Variants in SPDYE1 observed in about 807,000 individuals in gnomAD.
The protein encoded by SPDYE1 is speedy/RINGO cell cycle regulator family member E1.
Under a neutral mutation model 45.9 loss-of-function variants are expected in SPDYE1, and 29 were observed. That is an observed-to-expected ratio of 0.63 (90% CI 0.47 to 0.86). The LOEUF (loss-of-function observed/expected upper bound fraction) is 0.86. Ranked by LOEUF, SPDYE1 falls within the 40% of genes least tolerant of loss-of-function variation. The pLI is 0.00. For missense variants in SPDYE1, 346 were observed against 481.4 expected, an observed-to-expected ratio of 0.72 and a Z score of 2.63; for synonymous variants, 134 against 176.8, an observed-to-expected ratio of 0.76 and a Z score of 1.92.
intron 6 of SPDYE1, among the ~76,000 whole-genome samples, chr7:44,006,150 T>C (rs1034486965): frequency 2.0e-5 from 3 of 152,206 alleles, no homozygotes; most frequent in Non-Finnish European, 2.9e-5. Context: ...GCCATCTTGG[T>C]ATTTCCTGGC....
At chr7:44,005,529 T>C (rs1272707838) in intron 6 of SPDYE1, among the ~76,000 whole-genome samples, 2 of 151,630 alleles carry the variant, frequency 1.3e-5, no homozygotes, top group African/African-American at 2.4e-5. Flanking sequence ...AATAGAAAAA[T>C]TAGCTGGGCG....
chr7:44,008,189 A>T (rs2096074421), intron 8 of SPDYE1, among the ~76,000 whole-genome samples: 1 of 152,240 alleles, frequency 6.6e-6, no homozygotes, highest in South Asian at 2.1e-4. Flanking sequence ...GCTTTGGTTT[A>T]CATCTTGTGC....
chr7:44,002,841 C>G, intron 4 of SPDYE1, 24 bp downstream of exon 4: 36 of 1,331,534 alleles, frequency 2.7e-5, no homozygotes, highest in Non-Finnish European at 3.3e-5. Context: ...CCAGAGAGCA[C>G]CTCCAATCCT....
At chr7:44,005,797 C>T (rs1249953962) in intron 6 of SPDYE1, among the ~76,000 whole-genome samples, 1 of 151,930 alleles carries the variant, frequency 6.6e-6, no homozygotes, top group Non-Finnish European at 1.5e-5. Flanking sequence ...GAGGAGCGGA[C>T]ATGCCACTTC....
chr7:44,006,331 AG>A (rs1201980889), intron 6 of SPDYE1, among the ~76,000 whole-genome samples: 2 of 151,580 alleles, frequency 1.3e-5, no homozygotes, highest in African/African-American at 4.8e-5. Context: ...GCATGCCCGT[AG>A]CTCTCTAGTT....
chr7:44,002,558 G>T (rs1292474446), intron 3 of SPDYE1, 32 bp from the exon 4 acceptor site: 11 of 1,559,898 alleles, frequency 7.1e-6, no homozygotes, highest in Non-Finnish European at 9.5e-6. Context: ...AACTGCAGAA[G>T]CATTACACCG....
chr7:44,007,853 G>C, intron 8 of SPDYE1, 40 bp downstream of exon 8: 3 of 1,590,678 alleles, frequency 1.9e-6, no homozygotes, highest in East Asian at 4.5e-5. Context: ...GAATATTGGG[G>C]TCTATTTCGG....
At chr7:44,005,046 T>C in intron 5 of SPDYE1, 96 bp from the exon 6 acceptor site, 8 of 1,410,642 alleles carry the variant, frequency 5.7e-6, no homozygotes, top group Non-Finnish European at 7.0e-6. Context: ...CCTTCTCTGA[T>C]GGGCAGCCCC....
chr7:44,008,255 G>A (rs562731130), intron 8 of SPDYE1, among the ~76,000 whole-genome samples: 1 of 152,356 alleles, frequency 6.6e-6, no homozygotes, highest in South Asian at 2.1e-4. Context: ...GTAGGATTAA[G>A]GATTAGGCTT....
At position 44,007,720 on chromosome 7, in the gene SPDYE1, T is replaced by C. The variant is rs1413447286; in HGVS notation, c.1083T>C (p.Tyr361=). ...GTTTGTTTTTCCAGATCCAGGCTTA[T>C]GACCCAGAGCACTGGGTGTGGGCGC... The part of the protein sequence containing the change: ...SPEELEEIQA[Y]DPEHWVWARD... The change falls in exon 8 of 9, where the codon TAT becomes TAC. Residue 361 remains tyrosine, a synonymous_variant. Transcript: ENST00000693451. 7.4e-6 allele frequency: 12 copies of C among 1,611,350 alleles called. No homozygotes were observed. Among genetic ancestry groups the C allele is most frequent in the Non-Finnish European group, 9.3e-6 (11 of 1,179,464 alleles).
chr7:44,006,602 C>A (rs1174943360), intron 6 of SPDYE1, among the ~76,000 whole-genome samples: 2 of 151,774 alleles, frequency 1.3e-5, no homozygotes, highest in Non-Finnish European at 2.9e-5. Flanking sequence ...TGCCACCACA[C>A]CTGGACAGTT....
chr7:44,000,735 T>C (rs1178368677), intron 2 of SPDYE1, among the ~76,000 whole-genome samples: 12 of 149,622 alleles, frequency 8.0e-5, no homozygotes, highest in African/African-American at 3.0e-4. Flanking sequence ...GATGTTGCAG[T>C]GAGCTGAGAT....
intron 2 of SPDYE1, among the ~76,000 whole-genome samples, chr7:44,000,377 A>G (rs1329440417): frequency 3.3e-5 from 5 of 150,096 alleles, no homozygotes; most frequent in African/African-American, 4.9e-5. Context: ...TGAGACTGGG[A>G]GGAAGAGGTT....
intron 6 of SPDYE1, 87 bp from the exon 7 acceptor site, chr7:44,007,181 C>T: frequency 5.6e-6 from 9 of 1,610,728 alleles, no homozygotes; most frequent in African/African-American, 1.3e-5. Flanking sequence ...TAGGAACGGT[C>T]CCTTACCTTC....
chr7:44,009,026 G>A lies in SPDYE1; in HGVS notation c.*405G>A. 2 of 357,288 alleles carry A rather than the reference G, an allele frequency of 5.6e-6. No individual in the cohort carries two copies. Among genetic ancestry groups the A allele is most frequent in the South Asian group, 4.3e-5 (2 of 46,732 alleles). The allele number at this position is 357,288 out of a possible 1,614,324, so 22.1% of individuals were successfully genotyped here. On this transcript the variant is annotated 3_prime_UTR_variant, in exon 9 of 9. Coordinates refer to ENST00000693451, the MANE Select transcript of SPDYE1 (RefSeq NM_001378423.2). ...TTGCCACAGTCCAGGAGCATTTGAA[G>A]GCACAATGCAGGGGCTCAGATTGGC...
chr7:44,000,745 T>C (rs1424975199), intron 2 of SPDYE1: 42 of 1,214,748 alleles, frequency 3.5e-5, no homozygotes, highest in African/African-American at 4.8e-5. Context: ...TGAGCTGAGA[T>C]TGCACCACTA....
At chr7:44,005,954 G>A (rs189539488) in intron 6 of SPDYE1, among the ~76,000 whole-genome samples, 9 of 152,104 alleles carry the variant, frequency 5.9e-5, no homozygotes, top group Non-Finnish European at 7.4e-5. Context: ...AATGCTCCCC[G>A]CTGGGGTCTC....
chr7:44,002,674 A>C lies in SPDYE1; in HGVS notation c.464A>C (p.Glu155Ala), dbSNP rs746217363. 6.3e-7 allele frequency: 1 copy of C among 1,597,406 alleles called. No homozygotes were observed. The highest frequency in any genetic ancestry group is 8.5e-7 in the Non-Finnish European group (1 of 1,179,924). ...MEWWDKSEES[E>A]EEPRKVLAPE... ...TGGTGGGACAAATCTGAGGAGTCGG[A>C]GGAGGAGCCACGGAAGGTGCTCGCC... The change falls in exon 4 of 9, where the codon GAG becomes GCG. Residue 155 changes from glutamate to alanine, a missense_variant. Glu to Ala is a moderately radical substitution (Grantham distance 107, BLOSUM62 -1). This residue lies in a region of SPDYE1 where 141 missense variants were observed against 176.7 expected (regional missense o/e 0.80). Coordinates refer to ENST00000693451, the MANE Select transcript of SPDYE1 (RefSeq NM_001378423.2).
At chr7:44,008,596 T>C (rs540015443) in intron 8 of SPDYE1, 71 bp from the exon 9 acceptor site, 4 of 1,192,956 alleles carry the variant, frequency 3.4e-6, no homozygotes, top group Non-Finnish European at 4.2e-6. Context: ...AGACTTGACA[T>C]GGGATGTGAA....
Sources: gnomAD v4.1 joint callset for allele counts (sites outside exome capture counted in the v4.1 genomes callset) on GRCh38, gnomAD v4.1.1 for gene constraint, gnomAD v4.1.1 regional missense constraint, MANE v1.5 for transcripts, NCBI Gene and HGNC (gene_info 2026-07-23, HGNC 2026-07-21) for gene names.